Variants in TBC1D22A observed in about 807,000 individuals in gnomAD.
The protein encoded by TBC1D22A is putative GTPase activator.
In TBC1D22A, 38 loss-of-function variants were observed where a neutral mutation model predicts 60.2. That is an observed-to-expected ratio of 0.63 (90% CI 0.49 to 0.83). TBC1D22A has a LOEUF of 0.83. TBC1D22A is among the 40% of genes least tolerant of loss of function. The probability of loss-of-function intolerance (pLI) is 0.00; values close to 1 mark genes in which losing one functional copy is unlikely to be tolerated. For missense variants in TBC1D22A, 628 were observed against 701.0 expected (o/e 0.90, Z 1.18); for synonymous variants, 302 against 281.7 (o/e 1.07, Z -0.72).
intron 4 of TBC1D22A, among the ~76,000 whole-genome samples, chr22:46,843,231 C>T (rs777572733): frequency 5.9e-5 from 9 of 152,116 alleles, no homozygotes; most frequent in South Asian, 2.1e-4. Context: ...TCTGTTGTTA[C>T]GAGCATTCGG....
chr22:46,874,853 C>T (rs575980916), intron 4 of TBC1D22A, among the ~76,000 whole-genome samples: 6 of 152,236 alleles, frequency 3.9e-5, no homozygotes, highest in African/African-American at 2.4e-5. Context: ...GGATTACAGG[C>T]GTGAGCCACT....
chr22:46,938,887 G>A (rs987317869), intron 8 of TBC1D22A, among the ~76,000 whole-genome samples: 2 of 151,988 alleles, frequency 1.3e-5, no homozygotes, highest in Non-Finnish European at 2.9e-5. Context: ...CAGCTGGCCA[G>A]TTATTTCTCA....
intron 4 of TBC1D22A, among the ~76,000 whole-genome samples, chr22:46,829,687 T>A (rs2086224018): frequency 6.6e-6 from 1 of 152,236 alleles, no homozygotes; most frequent in South Asian, 2.1e-4. Context: ...ATGCAGCTAT[T>A]ATTCATCCCG....
chr22:46,953,725 G>A (rs1051130343), intron 8 of TBC1D22A, among the ~76,000 whole-genome samples: 2 of 152,066 alleles, frequency 1.3e-5, no homozygotes, highest in African/African-American at 2.4e-5. Context: ...GAAGTCTTTT[G>A]TCATTATTAT....
At position 47,076,365 on chromosome 22, in the gene TBC1D22A, A is replaced by G. The variant is rs1024004706; in HGVS notation, c.1330-35143A>G. On this transcript the variant is annotated intron_variant, in intron 11 of 12. Transcript: ENST00000337137. ...TGTATATATATATATGTGTGTGTAT[A>G]TATATATATATATATACACACACAC... is the stretch of plus-strand genomic sequence containing the variant. Among the ~76,000 whole-genome samples the G allele has an allele frequency of 1.7e-4, 17 of 101,556 alleles. No individual in the cohort carries two copies. In the East Asian group the frequency reaches 2.7e-3, roughly 16 times the overall value. The allele number at this position is 101,556 out of a possible 152,430, so 66.6% of individuals were successfully genotyped here. A position where few individuals can be genotyped will look rare whatever the true frequency, so the allele number is the denominator to read the frequency against.
intron 4 of TBC1D22A, among the ~76,000 whole-genome samples, chr22:46,873,792 C>CTT (rs796270691): frequency 2.1e-5 from 3 of 144,634 alleles, no homozygotes; most frequent in Admixed American, 6.9e-5. Context: ...AATCTTGTTC[C>CTT]TTTTTTTTTT....
chr22:46,793,405 C>A, intron 2 of TBC1D22A, 96 bp from the exon 3 acceptor site: 2 of 1,217,352 alleles, frequency 1.6e-6, no homozygotes, highest in South Asian at 1.4e-5. Flanking sequence ...AAGCTGAACA[C>A]TTCTATGCCT....
chr22:47,126,875 G>A (rs912383284), intron 12 of TBC1D22A, among the ~76,000 whole-genome samples: 2 of 152,210 alleles, frequency 1.3e-5, no homozygotes, highest in African/African-American at 4.8e-5. Context: ...TTCTCGTCCA[G>A]AAAGGGGAGA....
At chr22:47,084,307 G>C (rs539857244) in intron 11 of TBC1D22A, among the ~76,000 whole-genome samples, 2 of 152,204 alleles carry the variant, frequency 1.3e-5, no homozygotes, top group Admixed American at 1.3e-4. Flanking sequence ...AATTCTTCCC[G>C]AGGTGCCACT....
At chr22:47,088,244 C>T (rs1425163377) in intron 11 of TBC1D22A, among the ~76,000 whole-genome samples, 1 of 152,084 alleles carries the variant, frequency 6.6e-6, no homozygotes, top group Non-Finnish European at 1.5e-5. Context: ...GTCCTTAAGC[C>T]GTTTCCCATG....
intron 11 of TBC1D22A, among the ~76,000 whole-genome samples, chr22:47,086,589 A>G (rs1173292812): frequency 6.6e-6 from 1 of 152,256 alleles, no homozygotes; most frequent in Non-Finnish European, 1.5e-5. Flanking sequence ...AAAGTTTAAT[A>G]AAGTGTTCTC....
chr22:46,867,901 C>G (rs1044557029), intron 4 of TBC1D22A, among the ~76,000 whole-genome samples: 3 of 152,232 alleles, frequency 2.0e-5, no homozygotes, highest in Non-Finnish European at 2.9e-5. Context: ...CCCTAGAGCA[C>G]CCGCTTCCTG....
intron 4 of TBC1D22A, among the ~76,000 whole-genome samples, chr22:46,812,612 T>TGG (rs2085429541): frequency 6.6e-6 from 1 of 152,162 alleles, no homozygotes; most frequent in Admixed American, 6.5e-5. Flanking sequence ...TTTAGCTCGA[T>TGG]GGGGGTTTTG....
intron 1 of TBC1D22A, chr22:46,773,830 C>T (rs771478848): frequency 7.7e-6 from 5 of 651,192 alleles, no homozygotes; most frequent in African/African-American, 2.0e-5. Context: ...GGGGTGGTAC[C>T]GTGTGGTCCC....
At chr22:47,048,704 G>A (rs1603164932) in intron 11 of TBC1D22A, among the ~76,000 whole-genome samples, 1 of 152,298 alleles carries the variant, frequency 6.6e-6, no homozygotes, top group South Asian at 2.1e-4. Flanking sequence ...CCTAGTGAAC[G>A]GAGCTTGCTG....
At chr22:47,120,914 A>C (rs2066248380) in intron 12 of TBC1D22A, among the ~76,000 whole-genome samples, 1 of 152,242 alleles carries the variant, frequency 6.6e-6, no homozygotes, top group Non-Finnish European at 1.5e-5. Flanking sequence ...CTAGAGTGGC[A>C]CGTTTTAAGC....
chr22:47,004,408 C>T (rs1341216529), intron 10 of TBC1D22A, among the ~76,000 whole-genome samples: 1 of 150,630 alleles, frequency 6.6e-6, no homozygotes, highest in Non-Finnish European at 1.5e-5. Context: ...TATACATACA[C>T]ACATGCCTGT....
intron 9 of TBC1D22A, among the ~76,000 whole-genome samples, chr22:46,995,048 C>T (rs1352224536): frequency 6.6e-6 from 1 of 152,326 alleles, no homozygotes; most frequent in East Asian, 1.9e-4. Flanking sequence ...ACCATCGCAG[C>T]TCCTTCAGGG....
intron 10 of TBC1D22A, among the ~76,000 whole-genome samples, chr22:47,029,159 C>T (rs565789260): frequency 2.0e-5 from 3 of 152,094 alleles, no homozygotes; most frequent in Admixed American, 6.5e-5. Context: ...GCAAGAGTCC[C>T]GGGGATGCAA....
Sources: gnomAD v4.1 joint callset for allele counts (sites outside exome capture counted in the v4.1 genomes callset) on GRCh38, gnomAD v4.1.1 for gene constraint, MANE v1.5 for transcripts, NCBI Gene and HGNC (gene_info 2026-07-23, HGNC 2026-07-21) for gene names.